The following ANKAR variants were observed in gnomAD, a reference collection of about 807,000 sequenced individuals.
ANKAR encodes ankyrin and armadillo repeat containing.
Under a neutral mutation model 146.2 loss-of-function variants are expected in ANKAR, and 136 were observed. That is an observed-to-expected ratio of 0.93 (90% CI 0.81 to 1.07). The LOEUF (loss-of-function observed/expected upper bound fraction) is 1.07. Among genes scored for constraint, ANKAR ranks in the 50% least tolerant of loss-of-function variants. The pLI is 0.00. For synonymous variants in ANKAR, 500 were observed against 575.8 expected, an observed-to-expected ratio of 0.87 and a Z score of 1.88; for missense variants, 1,567 against 1,679.9, an observed-to-expected ratio of 0.93 and a Z score of 1.18.
chr2:189,736,794 C>T (rs950067996), intron 17 of ANKAR, among the ~76,000 whole-genome samples: 3 of 151,548 alleles, frequency 2.0e-5, no homozygotes, highest in Non-Finnish European at 4.4e-5. Context: ...AATTCAGGGC[C>T]AGGTGTGGTG....
chr2:189,699,367 G>A (rs555073626), intron 7 of ANKAR, among the ~76,000 whole-genome samples: 58 of 152,170 alleles, frequency 3.8e-4, no homozygotes, highest in Middle Eastern at 3.4e-3. Context: ...TCCTATCTTA[G>A]CATATTCATT....
At chr2:189,735,179 C>T (rs2042738828) in intron 17 of ANKAR, among the ~76,000 whole-genome samples, 1 of 152,084 alleles carries the variant, frequency 6.6e-6, no homozygotes, top group Admixed American at 6.5e-5. Context: ...TTTTGTTACA[C>T]ATTCCACTCT....
At chr2:189,750,967 TA>T (rs2045088701), downstream of ANKAR, among the ~76,000 whole-genome samples, 1 of 152,236 alleles carries the variant, frequency 6.6e-6, no homozygotes, top group South Asian at 2.1e-4. Flanking sequence ...TATAATTCTC[TA>T]CAAAGCTAAA....
At chr2:189,736,681 A>G (rs879527921) in intron 17 of ANKAR, among the ~76,000 whole-genome samples, 1 of 151,874 alleles carries the variant, frequency 6.6e-6, no homozygotes, top group Non-Finnish European at 1.5e-5. Context: ...ATTTCTACTA[A>G]ATTATTTTTG....
In ANKAR at chr2:189,676,545, G is replaced by C. The variant is rs2033707444; in HGVS notation, c.55G>C (p.Asp19His). Residue 19 changes from aspartate to histidine, a missense_variant, in exon 2 of 23, where the codon GAC (aspartate) becomes CAC (histidine). Coordinates refer to ENST00000684021, the MANE Select transcript of ANKAR (RefSeq NM_001378068.1). ...LPRFEQVQDEDTYLENLAIQR... is the reference protein window; with the variant it reads ...LPRFEQVQDEHTYLENLAIQR... ...TAGATTTGAGCAAGTTCAGGATGAA[G>C]ACACCTACCTGGAAAATTTAGCAAT... 6.3e-7 allele frequency: 1 copy of C among 1,597,588 alleles called. No individual in the cohort carries two copies.
downstream of ANKAR, among the ~76,000 whole-genome samples, chr2:189,749,517 TATA>T (rs1424883822): frequency 6.6e-6 from 1 of 151,896 alleles, no homozygotes; most frequent in Non-Finnish European, 1.5e-5. Context: ...GTGATAAGCT[TATA>T]ATATTTGCAG....
At chr2:189,691,482 A>C (rs982756222) in intron 3 of ANKAR, among the ~76,000 whole-genome samples, 15 of 152,062 alleles carry the variant, frequency 9.9e-5, no homozygotes, top group African/African-American at 3.6e-4. Context: ...TACCTAAACT[A>C]GCTGAGATAA....
chr2:189,721,828 TA>T (rs1437094214), intron 12 of ANKAR, among the ~76,000 whole-genome samples: 1 of 152,164 alleles, frequency 6.6e-6, no homozygotes, highest in Non-Finnish European at 1.5e-5. Context: ...AAATACAAAA[TA>T]AATATATTGG....
chr2:189,696,459 A>T (rs2105573969), intron 7 of ANKAR, 90 bp downstream of exon 7: 1 of 1,302,244 alleles, frequency 7.7e-7, no homozygotes, highest in South Asian at 1.5e-5. Context: ...AGCAGGTTAA[A>T]ATTTGGTATT....
chr2:189,758,408 C>T (rs2046415389), intron 18 of ANKAR, among the ~76,000 whole-genome samples: 1 of 151,736 alleles, frequency 6.6e-6, no homozygotes, highest in Admixed American at 6.6e-5. Flanking sequence ...TGTGTAGCAC[C>T]TCACCCCCCC....
At position 189,733,138 on chromosome 2, in the gene ANKAR, T is replaced by C; in HGVS notation, c.3332T>C (p.Val1111Ala). ...VEVAFSLACI[V>A]LGNDVLQKDL... Reference sequence around the variant, plus strand: ...GTGGCATTTTCCTTGGCATGCATTGTCCTAGGGAATGATGTGTTACAGAAA... The same window carrying C: ...GTGGCATTTTCCTTGGCATGCATTGCCCTAGGGAATGATGTGTTACAGAAA... Residue 1111 changes from valine to alanine, a missense_variant, in exon 17 of 23, where the codon GTC (valine) becomes GCC (alanine). Physicochemically the swap from Val to Ala is moderately conservative, Grantham distance 64. Transcript: ENST00000684021. 1.2e-6 allele frequency: 2 copies of C among 1,612,838 alleles called. No homozygotes were observed. The highest frequency in any genetic ancestry group is 1.7e-6 in the Non-Finnish European group (2 of 1,179,412).
rs181189114 is a variant in ANKAR, at chr2:189,738,856, T to G, written c.3700+174T>G. On this transcript the variant is annotated intron_variant, in intron 19 of 22. Coordinates refer to ENST00000684021, the MANE Select transcript of ANKAR (RefSeq NM_001378068.1). ...CAGCAAGTCTACACGAAACAATGGG[T>G]GTCTACTCTGTACCCCAAACAGAAG... is the stretch of plus-strand genomic sequence containing the variant. 1.1e-4 allele frequency among the ~76,000 whole-genome samples: 16 copies of G among 152,324 alleles called. No homozygotes were observed. The East Asian group carries it at 3.1e-3, about 29-fold the overall frequency.
rs1040019104 is a variant in ANKAR at position 189,676,311 on chromosome 2, G to A, written c.-35-145G>A. ...CAAATTTCAGTTTTCATATACTGCA[G>A]TTATTTTTAATTTGAAAACTATAAT... On this transcript the variant is annotated intron_variant, in intron 1 of 22. Coordinates refer to ENST00000684021, the MANE Select transcript of ANKAR (RefSeq NM_001378068.1). 7.4e-6 allele frequency: 5 copies of A among 674,794 alleles called. No homozygotes were observed. In the African/African-American group the frequency reaches 9.0e-5, roughly 12 times the overall value. The allele number at this position is 674,794 out of a possible 1,614,324, so 41.8% of individuals were successfully genotyped here. A position where few individuals can be genotyped will look rare whatever the true frequency, so the allele number is the denominator to read the frequency against.
chr2:189,743,830 C>T (rs1424951503), intron 21 of ANKAR, among the ~76,000 whole-genome samples: 1 of 152,180 alleles, frequency 6.6e-6, no homozygotes, highest in Non-Finnish European at 1.5e-5. Flanking sequence ...CACCACCTGA[C>T]CTTAGCATCA....
chr2:189,752,676 T>C, intron 18 of ANKAR: 1 of 1,613,890 alleles, frequency 6.2e-7, no homozygotes, highest in East Asian at 2.2e-5. Context: ...GGATGCCTTC[T>C]ATGTCATGTA....
chr2:189,730,533 G>A lies in ANKAR; in HGVS notation c.3232G>A (p.Val1078Ile), dbSNP rs1323232214. Residue 1078 changes from valine to isoleucine, a missense_variant, in exon 16 of 23, where the codon GTT becomes ATT. Transcript: ENST00000684021. ...HTSNPVSQQL[V>I]VDENAFPVLI... is the part of the protein sequence containing the mutation. ...AAGCAATCCTGTCAGTCAACAATTG[G>A]TTGTAGATGAAAATGCCTTTCCAGT... is the stretch of plus-strand genomic sequence containing the variant. 1.2e-6 allele frequency: 2 copies of A among 1,604,414 alleles called. 1 individual carries two copies. Among genetic ancestry groups the A allele is most frequent in the South Asian group, 2.2e-5 (2 of 90,110 alleles).
intron 10 of ANKAR, among the ~76,000 whole-genome samples, chr2:189,718,094 TA>T (rs1026858533): frequency 3.3e-5 from 5 of 151,158 alleles, no homozygotes; most frequent in African/African-American, 7.3e-5. Flanking sequence ...AATAAAAAAA[TA>T]AAATAGTTCT....
intron 7 of ANKAR, among the ~76,000 whole-genome samples, chr2:189,702,945 TTCAAA>T (rs1277579343): frequency 6.6e-6 from 1 of 152,198 alleles, no homozygotes; most frequent in Admixed American, 6.5e-5. Context: ...TAATTCATCA[TTCAAA>T]TCAAGGAGAC....
chr2:189,707,706 TC>T (rs1400775934), intron 9 of ANKAR, among the ~76,000 whole-genome samples: 2 of 151,694 alleles, frequency 1.3e-5, no homozygotes, highest in Admixed American at 6.6e-5. Flanking sequence ...CTAATTTTAC[TC>T]CCTTTCAAGG....
Sources: gnomAD v4.1 joint callset for allele counts (sites outside exome capture counted in the v4.1 genomes callset) on GRCh38, gnomAD v4.1.1 for gene constraint, MANE v1.5 for transcripts, NCBI Gene and HGNC (gene_info 2026-07-23, HGNC 2026-07-21) for gene names.